Variants in AUTS2 observed in about 807,000 individuals in gnomAD.
The protein encoded by AUTS2 is activator of transcription and developmental regulator AUTS2, also known as autism susceptibility gene 2 protein.
Under a neutral mutation model 112.4 loss-of-function variants are expected in AUTS2, and 17 were observed. That is an observed-to-expected ratio of 0.15 (90% CI 0.10 to 0.23). The LOEUF (loss-of-function observed/expected upper bound fraction) is 0.23, where lower values mean the gene tolerates loss of function less well. AUTS2 is among the 10% of genes least tolerant of loss of function. The probability of loss-of-function intolerance (pLI) is 1.00; values close to 1 mark genes in which losing one functional copy is unlikely to be tolerated. For missense variants in AUTS2, 1,510 were observed against 1,701.6 expected (o/e 0.89, Z 1.98); for synonymous variants, 751 against 702.7 (o/e 1.07, Z -1.09).
intron 2 of AUTS2, among the ~76,000 whole-genome samples, chr7:70,024,482 C>A (rs1800424801): frequency 1.3e-5 from 2 of 152,170 alleles, no homozygotes; most frequent in Non-Finnish European, 2.9e-5. Flanking sequence ...CTTGACCAAG[C>A]TCTTTTAATA....
chr7:70,718,579 C>T (rs1460862620), intron 6 of AUTS2, among the ~76,000 whole-genome samples: 1 of 152,186 alleles, frequency 6.6e-6, no homozygotes, highest in African/African-American at 2.4e-5. Flanking sequence ...ACAAGAATCA[C>T]TTGAACCTGG....
chr7:70,065,602 C>T (rs546694814), intron 2 of AUTS2, among the ~76,000 whole-genome samples: 1 of 152,052 alleles, frequency 6.6e-6, no homozygotes, highest in Non-Finnish European at 1.5e-5. Flanking sequence ...GAGGCTGAGG[C>T]AGGAGAATTG....
At chr7:70,166,132 A>T (rs1015876336) in intron 4 of AUTS2, among the ~76,000 whole-genome samples, 1 of 152,310 alleles carries the variant, frequency 6.6e-6, no homozygotes, top group South Asian at 2.1e-4. Context: ...CTGTGGAACC[A>T]TGAGTCGATT....
At chr7:69,751,788 A>T (rs1183634995) in intron 1 of AUTS2, among the ~76,000 whole-genome samples, 1 of 152,140 alleles carries the variant, frequency 6.6e-6, no homozygotes, top group African/African-American at 2.4e-5. Context: ...CTGGGTTGTA[A>T]TCCTTTCTCT....
intron 1 of AUTS2, among the ~76,000 whole-genome samples, chr7:69,692,316 C>T (rs1159558132): frequency 6.6e-6 from 1 of 152,152 alleles, no homozygotes; most frequent in East Asian, 1.9e-4. Context: ...TTTATAGAAA[C>T]ACTTATCATT....
At chr7:70,625,548 G>A (rs2057913) in intron 5 of AUTS2, among the ~76,000 whole-genome samples, 131,937 of 152,212 alleles carry the variant, frequency 0.87, 57,452 homozygotes, top group African/African-American at 0.94. Flanking sequence ...CACCTAAAAT[G>A]TGATAAGCTC....
At chr7:69,614,947 T>C (rs993448594) in intron 1 of AUTS2, among the ~76,000 whole-genome samples, 1 of 152,234 alleles carries the variant, frequency 6.6e-6, no homozygotes, top group Non-Finnish European at 1.5e-5. Context: ...AGATTGTAAT[T>C]GTTGGGGAGA....
chr7:70,408,813 A>G (rs2130391972), intron 4 of AUTS2, among the ~76,000 whole-genome samples: 1 of 152,338 alleles, frequency 6.6e-6, no homozygotes, highest in East Asian at 1.9e-4. Flanking sequence ...TGCACGCTGC[A>G]CTGGTTACAT....
chr7:70,049,545 G>C (rs1801655785), intron 2 of AUTS2, among the ~76,000 whole-genome samples: 1 of 152,032 alleles, frequency 6.6e-6, no homozygotes, highest in Non-Finnish European at 1.5e-5. Flanking sequence ...GGTCAGGCTG[G>C]TCTCAAACTC....
intron 5 of AUTS2, among the ~76,000 whole-genome samples, chr7:70,597,193 G>T (rs1803250807): frequency 6.6e-6 from 1 of 152,174 alleles, no homozygotes; most frequent in East Asian, 1.9e-4. Context: ...AGATGTAACA[G>T]CTTGGGCCAA....
intron 1 of AUTS2, among the ~76,000 whole-genome samples, chr7:69,604,197 C>G (rs939194664): frequency 6.6e-6 from 1 of 152,164 alleles, no homozygotes; most frequent in Admixed American, 6.5e-5. Flanking sequence ...GGGCTTCCCC[C>G]ACACATCAGT....
At chr7:69,836,861 G>A (rs951901491) in intron 1 of AUTS2, among the ~76,000 whole-genome samples, 1 of 152,170 alleles carries the variant, frequency 6.6e-6, no homozygotes, top group Non-Finnish European at 1.5e-5. Flanking sequence ...GGAAACTTTA[G>A]GATGATAGCC....
intron 2 of AUTS2, among the ~76,000 whole-genome samples, chr7:69,946,756 G>C (rs1796830802): frequency 6.6e-6 from 1 of 152,146 alleles, no homozygotes; most frequent in Non-Finnish European, 1.5e-5. Flanking sequence ...TTCATCAGTT[G>C]ATGGGCATCA....
At chr7:69,917,267 T>G (rs550548281) in intron 2 of AUTS2, among the ~76,000 whole-genome samples, 2 of 151,618 alleles carry the variant, frequency 1.3e-5, no homozygotes, top group East Asian at 3.9e-4. Context: ...TTAATGCCTT[T>G]CAGAGCATTC....
At chr7:70,131,981 T>C (rs560636318) in intron 3 of AUTS2, among the ~76,000 whole-genome samples, 1 of 151,906 alleles carries the variant, frequency 6.6e-6, no homozygotes, top group Admixed American at 6.6e-5. Context: ...CCTGTTAAAA[T>C]TCTCCAGCTA....
intron 5 of AUTS2, among the ~76,000 whole-genome samples, chr7:70,501,703 G>C (rs569222765): frequency 1.3e-5 from 2 of 151,990 alleles, no homozygotes; most frequent in African/African-American, 4.8e-5. Context: ...CCCCTCAACA[G>C]CTCCTTCCCC....
In AUTS2 at chr7:70,766,504, C is replaced by T. The variant is rs536442338; in HGVS notation, c.1689+170C>T. 3 of 839,742 alleles carry T rather than the reference C, an allele frequency of 3.6e-6. No homozygotes were observed. Among genetic ancestry groups the T allele is most frequent in the East Asian group, 2.5e-5 (1 of 40,332 alleles). The allele number at this position is 839,742 out of a possible 1,614,324, so 52.0% of individuals were successfully genotyped here. On this transcript the variant is annotated intron_variant, in intron 9 of 18. Transcript: ENST00000342771. The surrounding 1 kb of genome is among the most constrained non-coding windows in gnomAD (Gnocchi z 4.8). ...AGTGCCCTGCCTCAGGCAGCTCTGA[C>T]TTCAGGGGCCTAAAGTAGGAACTTC...
intron 5 of AUTS2, among the ~76,000 whole-genome samples, chr7:70,615,430 A>C (rs1375858237): frequency 2.6e-5 from 4 of 152,076 alleles, no homozygotes; most frequent in Non-Finnish European, 5.9e-5. Flanking sequence ...GCATAAAGGG[A>C]GCAGAGGCTT....
At chr7:70,157,937 A>G (rs2129577022) in intron 4 of AUTS2, among the ~76,000 whole-genome samples, 1 of 152,334 alleles carries the variant, frequency 6.6e-6, no homozygotes, top group South Asian at 2.1e-4. Context: ...TGTGAGTGAC[A>G]GTTATCTCTT....
Sources: gnomAD v4.1 joint callset for allele counts (sites outside exome capture counted in the v4.1 genomes callset) on GRCh38, gnomAD v4.1.1 for gene constraint, Gnocchi (gnomAD v3.1) non-coding constraint, MANE v1.5 for transcripts, NCBI Gene and HGNC (gene_info 2026-07-23, HGNC 2026-07-21) for gene names.